The following PCDHA2 variants were observed in gnomAD, a reference collection of about 807,000 sequenced individuals.
The protein encoded by PCDHA2 is protocadherin alpha-2.
A neutral mutation model predicts 66.0 loss-of-function variants in PCDHA2; 58 were observed. The ratio of observed to expected loss-of-function variants is 0.88; its 90% CI spans 0.71 to 1.09. PCDHA2 has a LOEUF of 1.09. PCDHA2 is among the 50% of genes least tolerant of loss of function. The pLI, the probability that PCDHA2 is intolerant of heterozygous loss-of-function variation, is 0.00. For synonymous variants in PCDHA2, 634 were observed against 554.0 expected, an observed-to-expected ratio of 1.14 and a Z score of -2.03; for missense variants, 1,267 against 1,242.3, an observed-to-expected ratio of 1.02 and a Z score of -0.30.
At chr5:140,851,486 C>T in intron 1 of PCDHA2, 1 of 886,580 alleles carries the variant, frequency 1.1e-6, no homozygotes, top group Non-Finnish European at 1.4e-6. Flanking sequence ...ATAAACACAG[C>T]CTTCATTTCA....
At chr5:140,863,248 G>A (rs782700291) in intron 1 of PCDHA2, 2 of 1,396,062 alleles carry the variant, frequency 1.4e-6, no homozygotes, top group Non-Finnish European at 9.8e-7. Flanking sequence ...TTTGGCGGGC[G>A]TCGAGGTCCG....
intron 1 of PCDHA2, chr5:140,801,299 C>T (rs554911037): frequency 5.6e-6 from 9 of 1,613,446 alleles, no homozygotes; most frequent in African/African-American, 5.3e-5. Flanking sequence ...TCCACTACTC[C>T]GTCTCTGAGG....
intron 1 of PCDHA2, chr5:140,829,396 G>C (rs2150167101): frequency 1.9e-6 from 3 of 1,614,054 alleles, no homozygotes; most frequent in Non-Finnish European, 2.5e-6. Flanking sequence ...CGCCTTCGCT[G>C]TGGGCCACCG....
intron 1 of PCDHA2, among the ~76,000 whole-genome samples, chr5:140,917,324 C>CGGGG (rs1299895515): frequency 3.9e-5 from 3 of 76,180 alleles, no homozygotes; most frequent in African/African-American, 8.6e-5. Context: ...GTTCATGTGG[C>CGGGG]GGGGGAGGGG....
intron 3 of PCDHA2, among the ~76,000 whole-genome samples, chr5:140,993,229 C>T (rs1396962894): frequency 6.6e-6 from 1 of 152,092 alleles, no homozygotes; most frequent in Non-Finnish European, 1.5e-5. Flanking sequence ...GGTATGTTCT[C>T]TCTGAATCTG....
chr5:140,821,529 A>C (rs2150109691), intron 1 of PCDHA2: 1 of 437,618 alleles, frequency 2.3e-6, no homozygotes, highest in Non-Finnish European at 4.0e-6. Context: ...AAACAAAATA[A>C]AACACTTACC....
At chr5:140,808,476 G>C (rs1554124581) in intron 1 of PCDHA2, 1 of 1,614,058 alleles carries the variant, frequency 6.2e-7, no homozygotes, top group Non-Finnish European at 8.5e-7. Context: ...GCGCGAGACG[G>C]GGGCTCGCCT....
chr5:140,980,575 A>C (rs901433332), intron 2 of PCDHA2, among the ~76,000 whole-genome samples: 3 of 152,296 alleles, frequency 2.0e-5, no homozygotes, highest in Admixed American at 1.3e-4. Context: ...AGTTGCAGTG[A>C]GCCAAGATCG....
Position 140,831,498 on chromosome 5 carries a change from C to A in PCDHA2, c.2388+34146C>A, listed in dbSNP as rs2150195161. Among the ~76,000 whole-genome samples the A allele has an allele frequency of 1.9e-3, 206 of 108,418 alleles. 1 individual carries two copies. Among genetic ancestry groups the A allele is most frequent in the Non-Finnish European group, 1.4e-3 (75 of 52,794 alleles). The allele number at this position is 108,418 out of a possible 152,430, so 71.1% of individuals were successfully genotyped here. ...CCTCAGCCTCTGGAGTTACTACACACGAGCACCACCATGCCCCCCACCTTT... is the reference window on the plus strand; with the variant it reads ...CCTCAGCCTCTGGAGTTACTACACAAGAGCACCACCATGCCCCCCACCTTT... On this transcript the variant is annotated intron_variant, in intron 1 of 3. Transcript: ENST00000526136.
intron 1 of PCDHA2, chr5:140,804,075 T>C (rs1161561312): frequency 6.2e-6 from 1 of 160,712 alleles, no homozygotes; most frequent in Non-Finnish European, 1.4e-5. Context: ...ACCTTCAGTT[T>C]CAAAAATTAG....
chr5:140,854,867 G>T (rs2043248640), intron 1 of PCDHA2, among the ~76,000 whole-genome samples: 1 of 149,650 alleles, frequency 6.7e-6, no homozygotes, highest in East Asian at 1.9e-4. Context: ...ATATATTTCA[G>T]AACTGTGTCT....
chr5:140,884,019 C>G, intron 1 of PCDHA2: 1 of 1,613,216 alleles, frequency 6.2e-7, no homozygotes. Flanking sequence ...ATGCCGCGGT[C>G]GGTGGGTGCA....
At chr5:140,828,529 G>T in intron 1 of PCDHA2, 1 of 1,614,222 alleles carries the variant, frequency 6.2e-7, no homozygotes, top group Non-Finnish European at 8.5e-7. Context: ...ACGAATCTAG[G>T]CTGCCAGATT....
At chr5:140,926,872 AC>A in intron 1 of PCDHA2, 1 of 1,525,488 alleles carries the variant, frequency 6.6e-7, no homozygotes, top group Non-Finnish European at 8.8e-7. Flanking sequence ...TGTTGGTGGA[AC>A]GTGGACGCCT....
chr5:140,863,416 C>A, intron 1 of PCDHA2: 6 of 719,752 alleles, frequency 8.3e-6, no homozygotes, highest in African/African-American at 1.8e-5. Flanking sequence ...GCTGGTGTAC[C>A]GCAGCGTAGT....
chr5:140,795,048 C>G lies in PCDHA2; in HGVS notation c.84C>G (p.Ser28Arg). The change falls in exon 1 of 4, where the codon AGC becomes AGG. Residue 28 changes from serine to arginine, a missense_variant. By Grantham distance (110) the Ser-to-Arg change is moderately radical. Coordinates refer to ENST00000526136, the MANE Select transcript of PCDHA2 (RefSeq NM_018905.3). Reference sequence around the variant, plus strand: ...TCCTCGCAGCCTGGGAGGTGGGGAGCGGCCAGCTCCGCTACTCCGTCCCCG... The same window carrying G: ...TCCTCGCAGCCTGGGAGGTGGGGAGGGGCCAGCTCCGCTACTCCGTCCCCG... ...LLLLAAWEVG[S>R]GQLRYSVPEE... The G allele has an allele frequency of 3.1e-6, 5 of 1,613,822 alleles. No homozygotes were observed. The highest frequency in any genetic ancestry group is 4.2e-6 in the Non-Finnish European group (5 of 1,179,998).
In PCDHA2 at chr5:140,796,698, T is replaced by G; in HGVS notation, c.1734T>G (p.Ser578Arg). 1 of 1,613,920 alleles carries G rather than the reference T, an allele frequency of 6.2e-7. No individual in the cohort carries two copies. The highest frequency in any genetic ancestry group is 1.3e-5 in the African/African-American group (1 of 75,046). ...PRAGTAAGAV[S>R]ELVPWSVGAG... The stretch of plus-strand genomic sequence containing the variant: ...CTGGCACCGCTGCTGGCGCAGTGAG[T>G]GAGCTGGTGCCGTGGTCGGTGGGTG... Residue 578 changes from serine to arginine, a missense_variant, in exon 1 of 4, where the codon AGT (serine) becomes AGG (arginine). Physicochemically the swap from Ser to Arg is moderately radical, Grantham distance 110 (BLOSUM62 -1). Transcript: ENST00000526136.
At chr5:140,899,255 C>A (rs532751288) in intron 1 of PCDHA2, among the ~76,000 whole-genome samples, 1 of 152,258 alleles carries the variant, frequency 6.6e-6, no homozygotes, top group East Asian at 1.9e-4. Flanking sequence ...GAGAGGGCAT[C>A]CCTGTCTTGT....
At chr5:140,823,206 T>C (rs1554129194) in intron 1 of PCDHA2, 13 of 1,613,806 alleles carry the variant, frequency 8.1e-6, no homozygotes, top group Non-Finnish European at 1.1e-5. Context: ...TCACGGTGTC[T>C]GCACGGGACG....
Sources: gnomAD v4.1 joint callset for allele counts (sites outside exome capture counted in the v4.1 genomes callset) on GRCh38, gnomAD v4.1.1 for gene constraint, MANE v1.5 for transcripts, NCBI Gene and HGNC (gene_info 2026-07-23, HGNC 2026-07-21) for gene names.